The following DIAPH1 variants were observed in gnomAD, a reference collection of about 807,000 sequenced individuals.
DIAPH1 encodes diaphanous related formin 1.
Under a neutral mutation model 140.7 loss-of-function variants are expected in DIAPH1, and 46 were observed. That is an observed-to-expected ratio of 0.33 (90% CI 0.26 to 0.42). The LOEUF is 0.42. Ranked by LOEUF, DIAPH1 falls within the 10% of genes least tolerant of loss-of-function variation. The probability of loss-of-function intolerance (pLI) is 1.00; values close to 1 mark genes in which losing one functional copy is unlikely to be tolerated. For synonymous variants in DIAPH1, 565 were observed against 551.6 expected, an observed-to-expected ratio of 1.02 and a Z score of -0.34; for missense variants, 1,310 against 1,558.7, an observed-to-expected ratio of 0.84 and a Z score of 2.69.
rs146177926 is a variant in DIAPH1 at position 141,536,790 on chromosome 5, G to A, written c.2483-2357C>T. Among the ~76,000 whole-genome samples, 360 of 152,220 alleles carry A rather than the reference G, an allele frequency of 2.4e-3. 1 individual carries two copies. The highest frequency in any genetic ancestry group is 8.3e-3 in the African/African-American group (345 of 41,530). ...CATGTTGGATGTGTTGTTGAAGGAG[G>A]AGCAAAAACGTCACTAAGGCTAAAA... On this transcript the variant is annotated intron_variant, in intron 18 of 27. Coordinates refer to ENST00000389054, the MANE Select transcript of DIAPH1 (RefSeq NM_005219.5).
chr5:141,523,712 T>C (rs1283769668), intron 27 of DIAPH1, among the ~76,000 whole-genome samples: 2 of 151,366 alleles, frequency 1.3e-5, no homozygotes, highest in Non-Finnish European at 2.9e-5. Flanking sequence ...TACTTTCTAT[T>C]ATTAGTTCTC....
intron 15 of DIAPH1, among the ~76,000 whole-genome samples, 180 bp downstream of exon 15, chr5:141,574,787 T>C (rs888199875): frequency 1.3e-5 from 2 of 152,222 alleles, no homozygotes; most frequent in Non-Finnish European, 1.5e-5. Flanking sequence ...TTCTGTCTTA[T>C]GTATTACTTA....
intron 4 of DIAPH1, among the ~76,000 whole-genome samples, 192 bp downstream of exon 4, chr5:141,583,932 T>C (rs2099897162): frequency 1.3e-5 from 2 of 151,966 alleles, no homozygotes; most frequent in Non-Finnish European, 1.5e-5. Context: ...ACATACTTCA[T>C]GAAAATTTAA....
chr5:141,596,112 G>A (rs1303990497), intron 1 of DIAPH1, among the ~76,000 whole-genome samples: 2 of 152,102 alleles, frequency 1.3e-5, no homozygotes, highest in Non-Finnish European at 2.9e-5. Context: ...GGTGGATTGC[G>A]AGGTCAGGAG....
Position 141,574,116 on chromosome 5 carries a change from A to C in DIAPH1, c.1734T>G (p.Ser578Arg). The change falls in exon 16 of 28, where the codon AGT becomes AGG. Residue 578 changes from serine to arginine, a missense_variant. Ser to Arg is a moderately radical substitution (Grantham distance 110). Transcript: ENST00000389054. Reference protein sequence around the residue: ...AAITVPPSVPSRAPVPPAPPL... With the variant: ...AAITVPPSVPRRAPVPPAPPL... ...GAGGGGCAGGGGGAACAGGAGCACG[A>C]CTAGGAACAGAAGGAGGTACAGTAA... is the stretch of plus-strand genomic sequence containing the variant. 1 of 1,614,060 alleles carries C rather than the reference A, an allele frequency of 6.2e-7. No homozygotes were observed. Among genetic ancestry groups the C allele is most frequent in the Admixed American group, 1.7e-5 (1 of 59,998 alleles).
chr5:141,517,176 T>A (rs1034098319), intron 27 of DIAPH1, among the ~76,000 whole-genome samples, 168 bp from the exon 28 acceptor site: 1 of 152,164 alleles, frequency 6.6e-6, no homozygotes, highest in Non-Finnish European at 1.5e-5. Context: ...TGGAATATAT[T>A]GTTGGGTGGC....
chr5:141,533,094 T>G (rs559492951), intron 19 of DIAPH1, among the ~76,000 whole-genome samples: 1 of 152,352 alleles, frequency 6.6e-6, no homozygotes, highest in South Asian at 2.1e-4. Context: ...CTGTGTGATC[T>G]GGGCACTTCG....
intron 16 of DIAPH1, among the ~76,000 whole-genome samples, chr5:141,572,395 A>G (rs1596377016): frequency 6.6e-6 from 1 of 152,280 alleles, no homozygotes; most frequent in Admixed American, 6.5e-5. Flanking sequence ...TCATTTTATG[A>G]GCAAATCCCT....
chr5:141,601,740 G>A (rs1366311329), intron 1 of DIAPH1, among the ~76,000 whole-genome samples: 2 of 152,166 alleles, frequency 1.3e-5, no homozygotes, highest in East Asian at 3.8e-4. Context: ...AGGTTTAGGA[G>A]CATCATCCGA....
chr5:141,561,325 G>A (rs1284952274), intron 18 of DIAPH1, among the ~76,000 whole-genome samples: 2 of 151,562 alleles, frequency 1.3e-5, no homozygotes, highest in East Asian at 1.9e-4. Flanking sequence ...TATCACTGGG[G>A]TCCCTTGTCC....
chr5:141,559,439 G>A (rs1468605881), intron 18 of DIAPH1, among the ~76,000 whole-genome samples: 1 of 152,136 alleles, frequency 6.6e-6, no homozygotes, highest in South Asian at 2.1e-4. Flanking sequence ...CTGTAAGGAG[G>A]GACAGGGCAA....
Position 141,618,973 on chromosome 5 carries a change from G to A in DIAPH1, c.-59C>T, listed in dbSNP as rs1596422668. The A allele has an allele frequency of 3.1e-6, 3 of 966,120 alleles. No individual in the cohort carries two copies. Among genetic ancestry groups the A allele is most frequent in the South Asian group, 4.7e-5 (2 of 42,458 alleles). The allele number at this position is 966,120 out of a possible 1,614,324, so 59.8% of individuals were successfully genotyped here. ...TACGCCGCTCCCGCCTGGCAGCTCCGCGCCCGCCGCCGCCCAGTCGCTCTT... is the reference window on the plus strand; with the variant it reads ...TACGCCGCTCCCGCCTGGCAGCTCCACGCCCGCCGCCGCCCAGTCGCTCTT... On this transcript the variant is annotated 5_prime_UTR_variant, in exon 1 of 28. Coordinates refer to ENST00000389054, the MANE Select transcript of DIAPH1 (RefSeq NM_005219.5).
chr5:141,522,925 G>A (rs1562279355), intron 27 of DIAPH1, among the ~76,000 whole-genome samples: 1 of 152,146 alleles, frequency 6.6e-6, no homozygotes, highest in Non-Finnish European at 1.5e-5. Context: ...CCCTCAGAAG[G>A]GAGTATCACT....
chr5:141,527,805 C>A, intron 23 of DIAPH1, 108 bp from the exon 24 acceptor site: 2 of 1,309,194 alleles, frequency 1.5e-6, no homozygotes, highest in Non-Finnish European at 2.1e-6. Flanking sequence ...TAGCTTCAGT[C>A]TATACACACA....
intron 1 of DIAPH1, among the ~76,000 whole-genome samples, chr5:141,601,980 A>C (rs977816584): frequency 6.6e-6 from 1 of 152,240 alleles, no homozygotes; most frequent in African/African-American, 2.4e-5. Flanking sequence ...ATGGGAAATA[A>C]GTATCACTAC....
At chr5:141,588,292 C>A in intron 1 of DIAPH1, 42 bp from the exon 2 acceptor site, 1 of 1,528,548 alleles carries the variant, frequency 6.5e-7, no homozygotes, top group South Asian at 1.1e-5. Context: ...GAAGAGAAAT[C>A]AGTGAAGTAC....
chr5:141,580,566 C>T (rs879126951), intron 8 of DIAPH1, among the ~76,000 whole-genome samples, 178 bp downstream of exon 8: 2 of 152,108 alleles, frequency 1.3e-5, no homozygotes, highest in South Asian at 4.1e-4. Context: ...CAGGATAGCA[C>T]CCATCACTTA....
intron 26 of DIAPH1, chr5:141,524,792 C>G (rs1055868819): frequency 5.8e-6 from 1 of 172,414 alleles, no homozygotes; most frequent in African/African-American, 2.4e-5. Context: ...TAGCCTGGCT[C>G]GGTTTCCATG....
In DIAPH1 at chr5:141,527,637, T is replaced by A; in HGVS notation, c.3209A>T (p.Glu1070Val). ...DQMKKQISDV[E>V]RDVQNFPAAT... is the part of the protein sequence containing the mutation. ...AGCTGGGAAATTCTGAACATCACGT[T>A]CCACATCAGAAATTTGTTTCTTCAT... is the stretch of plus-strand genomic sequence containing the variant. The change falls in exon 24 of 28, where the codon GAA (glutamate) becomes GTA (valine). Residue 1070 changes from glutamate to valine, a missense_variant. Glu to Val is a moderately radical substitution (Grantham distance 121, BLOSUM62 -2). Transcript: ENST00000389054. 3 of 1,606,398 alleles carry A rather than the reference T, an allele frequency of 1.9e-6. No homozygotes were observed. The highest frequency in any genetic ancestry group is 2.5e-6 in the Non-Finnish European group (3 of 1,177,312).
Sources: allele counts gnomAD v4.1 joint callset (sites outside exome capture counted in the v4.1 genomes callset), GRCh38; gene constraint gnomAD v4.1.1; transcripts MANE v1.5; gene names NCBI Gene and HGNC (gene_info 2026-07-23, HGNC 2026-07-21).